PLD5: variants seen among roughly 807,000 people sequenced by gnomAD.
The protein encoded by PLD5 is inactive phospholipase D5.
In PLD5, 36 loss-of-function variants were observed where a neutral mutation model predicts 61.1. The ratio of observed to expected loss-of-function variants is 0.59; its 90% confidence interval spans 0.45 to 0.78. PLD5 has a LOEUF of 0.78. Among genes scored for constraint, PLD5 ranks in the 30% least tolerant of loss-of-function variants. The pLI is 0.00. For synonymous variants in PLD5, 243 were observed against 242.8 expected, an observed-to-expected ratio of 1.00 and a Z score of -0.01; for missense variants, 515 against 644.4, an observed-to-expected ratio of 0.80 and a Z score of 2.17.
At chr1:242,096,824 A>G (rs1169071946) in intron 9 of PLD5, among the ~76,000 whole-genome samples, 4 of 151,888 alleles carry the variant, frequency 2.6e-5, no homozygotes, top group Non-Finnish European at 4.4e-5. Context: ...TACATGTGCC[A>G]TGTTGGTGTG....
intron 1 of PLD5, among the ~76,000 whole-genome samples, chr1:242,385,430 A>G (rs1378714266): frequency 6.6e-6 from 1 of 152,110 alleles, no homozygotes; most frequent in Non-Finnish European, 1.5e-5. Context: ...ACTCACAGCT[A>G]TGGATCATGC....
intron 4 of PLD5, among the ~76,000 whole-genome samples, chr1:242,241,452 T>A (rs911548418): frequency 2.6e-5 from 4 of 152,156 alleles, no homozygotes; most frequent in African/African-American, 9.7e-5. Context: ...ATACCAACTG[T>A]CATTTCCAAC....
At chr1:242,395,100 T>G (rs945277592) in intron 1 of PLD5, among the ~76,000 whole-genome samples, 2 of 146,368 alleles carry the variant, frequency 1.4e-5, no homozygotes, top group Non-Finnish European at 3.0e-5. Context: ...TGAATATATA[T>G]GTATGTATAT....
At chr1:242,432,169 T>C (rs1665755903) in intron 1 of PLD5, among the ~76,000 whole-genome samples, 1 of 152,350 alleles carries the variant, frequency 6.6e-6, no homozygotes, top group East Asian at 1.9e-4. Flanking sequence ...TATAATGAAC[T>C]ATGGGCAATT....
At chr1:242,288,630 T>C (rs976648927) in intron 2 of PLD5, 100 bp from the exon 3 acceptor site, 10 of 1,446,704 alleles carry the variant, frequency 6.9e-6, no homozygotes, top group Admixed American at 3.1e-5. Flanking sequence ...AAATATTCTT[T>C]ACTCATTCTG....
rs201808284 is a variant in PLD5 at position 242,363,454 on chromosome 1, T to TAA, written c.190-15214_190-15213dup. Among the ~76,000 whole-genome samples, 48 of 118,910 alleles carry TAA rather than the reference T, an allele frequency of 4.0e-4. 1 individual carries two copies. In the South Asian group the frequency reaches 0.011, roughly 26 times the overall value. The allele number at this position is 118,910 out of a possible 152,430, so 78.0% of individuals were successfully genotyped here. Reference sequence around the variant, plus strand: ...GCAACATGGTGAGACCCTGTCTCTTTAAAAAAAAAAAAAAAAAGCCTCAAA... The same window carrying TAA: ...GCAACATGGTGAGACCCTGTCTCTTTAAAAAAAAAAAAAAAAAAAGCCTCAAA... On this transcript the variant is annotated intron_variant, in intron 1 of 9. Coordinates refer to ENST00000536534, the MANE Select transcript of PLD5 (RefSeq NM_001372062.1).
intron 4 of PLD5, among the ~76,000 whole-genome samples, chr1:242,241,172 T>C (rs1345087975): frequency 6.6e-6 from 1 of 152,140 alleles, no homozygotes; most frequent in African/African-American, 2.4e-5. Flanking sequence ...TCTTCTGAAG[T>C]TGTTGGTCAG....
intron 1 of PLD5, among the ~76,000 whole-genome samples, chr1:242,418,415 T>C (rs1447507346): frequency 6.6e-6 from 1 of 152,072 alleles, no homozygotes; most frequent in East Asian, 1.9e-4. Flanking sequence ...AGGTCTAAGC[T>C]AAAGGTAATA....
intron 5 of PLD5, among the ~76,000 whole-genome samples, chr1:242,212,696 G>A (rs1233114066): frequency 3.3e-5 from 5 of 152,230 alleles, no homozygotes; most frequent in Non-Finnish European, 1.5e-5. Context: ...CTGCCGCCCT[G>A]GGGCCTGCCT....
chr1:242,163,298 C>T (rs1036717307), intron 5 of PLD5, among the ~76,000 whole-genome samples: 4 of 151,924 alleles, frequency 2.6e-5, no homozygotes, highest in South Asian at 2.1e-4. Flanking sequence ...CGCCCGCCAC[C>T]ACGCCCGGCT....
Position 242,451,057 on chromosome 1 carries a change from C to T in PLD5, c.189+73031G>A, listed in dbSNP as rs145964996. On this transcript the variant is annotated intron_variant, in intron 1 of 9. Transcript: ENST00000536534. ...ACTCAGCCACATCGTTTTGACTCTA[C>T]CTTGGGCCATGCCCACTTATCCTTC... Among the ~76,000 whole-genome samples, 26 of 152,322 alleles carry T rather than the reference C, an allele frequency of 1.7e-4. No homozygotes were observed. In the East Asian group the frequency reaches 4.8e-3, roughly 28 times the overall value.
intron 1 of PLD5, among the ~76,000 whole-genome samples, chr1:242,497,715 A>C (rs971873956): frequency 6.6e-6 from 1 of 152,222 alleles, no homozygotes; most frequent in Non-Finnish European, 1.5e-5. Context: ...CTGGAACATA[A>C]AAACTGCTCG....
chr1:242,241,859 G>C (rs949931745), intron 4 of PLD5, among the ~76,000 whole-genome samples: 5 of 99,220 alleles, frequency 5.0e-5, no homozygotes, highest in African/African-American at 2.0e-4. Context: ...GAAAGAACTT[G>C]CTTTACTTAC....
intron 1 of PLD5, among the ~76,000 whole-genome samples, chr1:242,424,291 G>C (rs542370091): frequency 6.6e-6 from 1 of 152,108 alleles, no homozygotes; most frequent in Non-Finnish European, 1.5e-5. Context: ...TTAGCCATCA[G>C]TTTGCCTGAG....
At chr1:242,491,581 TATCATGA>T (rs1668153388) in intron 1 of PLD5, among the ~76,000 whole-genome samples, 1 of 152,212 alleles carries the variant, frequency 6.6e-6, no homozygotes, top group Non-Finnish European at 1.5e-5. Context: ...ATTTAAATCA[TATCATGA>T]ATTGGGTTCT....
At chr1:242,396,383 T>C (rs1663573406) in intron 1 of PLD5, among the ~76,000 whole-genome samples, 1 of 152,284 alleles carries the variant, frequency 6.6e-6, no homozygotes, top group East Asian at 1.9e-4. Flanking sequence ...ATAATGTTTA[T>C]AAAAGAAATG....
chr1:242,376,770 C>T (rs1032557072), intron 1 of PLD5, among the ~76,000 whole-genome samples: 6 of 152,094 alleles, frequency 3.9e-5, no homozygotes, highest in African/African-American at 7.2e-5. Flanking sequence ...AGGATATATA[C>T]GACGAGGTGA....
chr1:242,178,547 A>C (rs1313945538), intron 5 of PLD5, among the ~76,000 whole-genome samples: 1 of 152,148 alleles, frequency 6.6e-6, no homozygotes, highest in Non-Finnish European at 1.5e-5. Context: ...GCTATTTTCA[A>C]AGCATAGGTT....
In PLD5 at chr1:242,396,668, C is replaced by CTTTCTTT. The variant is rs1479365427; in HGVS notation, c.190-48427_190-48426insAAAGAAA. 9.8e-4 allele frequency among the ~76,000 whole-genome samples: 122 copies of CTTTCTTT among 125,114 alleles called. 5 individuals carry two copies. Among genetic ancestry groups the CTTTCTTT allele is most frequent in the Middle Eastern group, 4.0e-3 (1 of 250 alleles). 82.1% of individuals were successfully genotyped at this position (125,114 alleles called of 152,430 possible). On this transcript the variant is annotated intron_variant, in intron 1 of 9. Transcript: ENST00000536534. ...GCATGCTATTTTCTTTCTTTCTTTTCTTTTCTTTTTTTTTTTTTTTTTTGA... is the reference window on the plus strand; with the variant it reads ...GCATGCTATTTTCTTTCTTTCTTTTCTTTCTTTTTTTCTTTTTTTTTTTTTTTTTTGA...
Sources: allele counts gnomAD v4.1 joint callset (sites outside exome capture counted in the v4.1 genomes callset), GRCh38; gene constraint gnomAD v4.1.1; transcripts MANE v1.5; gene names NCBI Gene and HGNC (gene_info 2026-07-23, HGNC 2026-07-21).